The following TRERF1 variants were observed in gnomAD, a reference collection of about 807,000 sequenced individuals.
TRERF1 encodes the protein transcriptional-regulating factor 1.
In TRERF1, 27 loss-of-function variants were observed where a neutral mutation model predicts 122.9. The ratio of observed to expected loss-of-function variants is 0.22; its 90% CI spans 0.16 to 0.30. TRERF1 has a LOEUF of 0.30. Ranked by LOEUF, TRERF1 falls within the 10% of genes least tolerant of loss-of-function variation. The pLI is 1.00. For missense variants in TRERF1, 1,248 were observed against 1,560.3 expected (o/e 0.80, Z 3.37); for synonymous variants, 636 against 641.7 (o/e 0.99, Z 0.13).
intron 3 of TRERF1, among the ~76,000 whole-genome samples, chr6:42,347,807 A>C (rs911842233): frequency 3.3e-5 from 5 of 152,260 alleles, no homozygotes; most frequent in Admixed American, 3.3e-4. Flanking sequence ...TGTGGGACAC[A>C]GAACTTCAGC....
chr6:42,422,736 T>C (rs1265008889), intron 2 of TRERF1, among the ~76,000 whole-genome samples: 1 of 152,058 alleles, frequency 6.6e-6, no homozygotes, highest in Non-Finnish European at 1.5e-5. Flanking sequence ...TCTGTGCCCC[T>C]TCCATCACTG....
At chr6:42,385,190 T>A (rs940540316) in intron 2 of TRERF1, among the ~76,000 whole-genome samples, 5 of 152,128 alleles carry the variant, frequency 3.3e-5, no homozygotes, top group Non-Finnish European at 7.4e-5. Flanking sequence ...TTGTCCAGGC[T>A]GGTCTCAAAC....
intron 3 of TRERF1, among the ~76,000 whole-genome samples, chr6:42,326,881 T>A (rs531338436): frequency 6.6e-6 from 1 of 152,326 alleles, no homozygotes; most frequent in Non-Finnish European, 1.5e-5. Flanking sequence ...GACAAGGGAC[T>A]TTTGGGTGGT....
At chr6:42,326,993 C>T (rs1764396731) in intron 3 of TRERF1, among the ~76,000 whole-genome samples, 1 of 152,140 alleles carries the variant, frequency 6.6e-6, no homozygotes, top group South Asian at 2.1e-4. Context: ...AGTATCTCTT[C>T]TAGCAGCAGG....
chr6:42,260,519 G>C (rs1334716923), intron 8 of TRERF1, among the ~76,000 whole-genome samples: 2 of 152,180 alleles, frequency 1.3e-5, no homozygotes, highest in African/African-American at 4.8e-5. Flanking sequence ...CAGATGAGCA[G>C]GGCATGCCAA....
Position 42,228,842 on chromosome 6 carries a change from T to A in TRERF1, c.3279-173A>T, listed in dbSNP as rs938590433. Among the ~76,000 whole-genome samples the A allele has an allele frequency of 6.6e-6, 1 of 152,052 alleles. No individual in the cohort carries two copies. The highest frequency in any genetic ancestry group is 1.5e-5 in the Non-Finnish European group (1 of 67,994). On this transcript the variant is annotated intron_variant, in intron 17 of 17. Transcript: ENST00000372922. The surrounding 1 kb of genome is among the most constrained non-coding windows in gnomAD (Gnocchi z 4.2). ...ACCTCTCTTCCTTCCTCTCCAAGCA[T>A]TACAAGGAAAGGGATGGGGACAGAA...
chr6:42,326,026 C>T (rs541439274), intron 3 of TRERF1, among the ~76,000 whole-genome samples: 20 of 152,230 alleles, frequency 1.3e-4, no homozygotes, highest in African/African-American at 4.8e-4. Flanking sequence ...CTACAAAATG[C>T]GGGAGGGTGG....
intron 4 of TRERF1, among the ~76,000 whole-genome samples, chr6:42,294,180 ATTTT>A (rs70987589): frequency 7.7e-6 from 1 of 129,164 alleles, no homozygotes. Flanking sequence ...CTATAATGTA[ATTTT>A]TTTTTTTTTT....
chr6:42,440,500 C>T (rs1786309705), intron 2 of TRERF1, among the ~76,000 whole-genome samples: 1 of 152,122 alleles, frequency 6.6e-6, no homozygotes, highest in Non-Finnish European at 1.5e-5. Context: ...CAAGGCCAGG[C>T]ACATAGTAAG....
intron 3 of TRERF1, among the ~76,000 whole-genome samples, chr6:42,327,554 A>G (rs1764505637): frequency 1.3e-5 from 2 of 152,204 alleles, no homozygotes; most frequent in South Asian, 4.1e-4. Context: ...GTGCCGAGCT[A>G]TCCCATTAAC....
chr6:42,319,656 T>A (rs1485462442), intron 3 of TRERF1, among the ~76,000 whole-genome samples: 1 of 151,878 alleles, frequency 6.6e-6, no homozygotes, highest in Non-Finnish European at 1.5e-5. Flanking sequence ...ACCCCATGTC[T>A]ACAAAAAAAT....
At chr6:42,292,667 T>C (rs981582583) in intron 4 of TRERF1, among the ~76,000 whole-genome samples, 1 of 152,182 alleles carries the variant, frequency 6.6e-6, no homozygotes, top group African/African-American at 2.4e-5. Context: ...TTGGTGTTAC[T>C]GGTAACGAAG....
rs1250224518 is a variant in TRERF1, at chr6:42,228,407, C to T, written c.3541G>A (p.Asp1181Asn). 1 of 1,614,196 alleles carries T rather than the reference C, an allele frequency of 6.2e-7. No individual in the cohort carries two copies. Among genetic ancestry groups the T allele is most frequent in the Non-Finnish European group, 8.5e-7 (1 of 1,180,026 alleles). Residue 1181 changes from aspartate to asparagine, a missense_variant, in exon 18 of 18, where the codon GAC becomes AAC. Transcript: ENST00000372922. This position sits in a 1 kb window ranked among gnomAD's most constrained non-coding sequence, Gnocchi z 4.2. ...TGATCATCCAAGAGAAGATCGGTGT[C>T]CACAACTTCAGCCTCTTCCATGACA... is the stretch of plus-strand genomic sequence containing the variant.
intron 2 of TRERF1, among the ~76,000 whole-genome samples, chr6:42,417,755 G>A (rs1012720479): frequency 2.0e-5 from 3 of 152,198 alleles, no homozygotes; most frequent in African/African-American, 7.2e-5. Flanking sequence ...CAGAGCCCCT[G>A]TGGGCTCCAG....
At chr6:42,438,362 C>T (rs1013468614) in intron 2 of TRERF1, among the ~76,000 whole-genome samples, 5 of 151,540 alleles carry the variant, frequency 3.3e-5, no homozygotes, top group Non-Finnish European at 7.4e-5. Flanking sequence ...GTAATCCCAG[C>T]ACTTCGGGAG....
intron 8 of TRERF1, among the ~76,000 whole-genome samples, chr6:42,261,644 G>T (rs1468384366): frequency 6.6e-6 from 1 of 152,158 alleles, no homozygotes; most frequent in Non-Finnish European, 1.5e-5. Flanking sequence ...CAGCTGGCTA[G>T]GAGCCAAACT....
chr6:42,289,511 A>G (rs541990503), intron 4 of TRERF1, among the ~76,000 whole-genome samples: 1 of 152,312 alleles, frequency 6.6e-6, no homozygotes, highest in East Asian at 1.9e-4. Context: ...TAGGACTTAC[A>G]TAATAAGAAA....
chr6:42,394,685 G>A (rs191032327), intron 2 of TRERF1, among the ~76,000 whole-genome samples: 1 of 152,104 alleles, frequency 6.6e-6, no homozygotes, highest in East Asian at 1.9e-4. Context: ...CAATACTAAT[G>A]CAAAAAAATT....
At chr6:42,449,798 G>C (rs1473198664) in intron 2 of TRERF1, among the ~76,000 whole-genome samples, 1 of 152,144 alleles carries the variant, frequency 6.6e-6, no homozygotes, top group Non-Finnish European at 1.5e-5. Flanking sequence ...CTGGAAATCT[G>C]ACGACAGTTA....
Sources: gnomAD v4.1 joint callset for allele counts (sites outside exome capture counted in the v4.1 genomes callset) on GRCh38, gnomAD v4.1.1 for gene constraint, Gnocchi (gnomAD v3.1) non-coding constraint, MANE v1.5 for transcripts, NCBI Gene and HGNC (gene_info 2026-07-23, HGNC 2026-07-21) for gene names.